The following SLC24A3 variants were observed in gnomAD, a reference collection of about 807,000 sequenced individuals.
SLC24A3 encodes solute carrier family 24 member 3.
In SLC24A3, 28 loss-of-function variants were observed where a neutral mutation model predicts 75.8. The observed-to-expected ratio is 0.37, with a 90% CI of 0.27 to 0.51. The LOEUF (loss-of-function observed/expected upper bound fraction) is 0.51, where lower values mean the gene tolerates loss of function less well. Ranked by LOEUF, SLC24A3 falls within the 20% of genes least tolerant of loss-of-function variation. SLC24A3 has a pLI of 0.94. For missense variants in SLC24A3, 663 were observed against 847.8 expected (o/e 0.78, Z 2.71); for synonymous variants, 372 against 334.1 (o/e 1.11, Z -1.24).
chr20:19,587,685 G>T (rs1237177452), intron 6 of SLC24A3, among the ~76,000 whole-genome samples: 1 of 152,198 alleles, frequency 6.6e-6, no homozygotes, highest in Non-Finnish European at 1.5e-5. Flanking sequence ...ACGGGTCTGG[G>T]TTTAAATCCT....
intron 2 of SLC24A3, among the ~76,000 whole-genome samples, chr20:19,368,867 C>G (rs1350971469): frequency 6.6e-6 from 1 of 152,152 alleles, no homozygotes; most frequent in Non-Finnish European, 1.5e-5. Context: ...CTGACCAAAG[C>G]TGGGACAATT....
At chr20:19,315,560 A>T (rs1984567513) in intron 2 of SLC24A3, among the ~76,000 whole-genome samples, 2 of 152,140 alleles carry the variant, frequency 1.3e-5, no homozygotes, top group Admixed American at 1.3e-4. Context: ...TGGGCTATGG[A>T]TTCTTTCTAC....
At chr20:19,462,596 C>T (rs1342830433) in intron 2 of SLC24A3, among the ~76,000 whole-genome samples, 2 of 152,202 alleles carry the variant, frequency 1.3e-5, no homozygotes, top group Non-Finnish European at 1.5e-5. Context: ...CTGGGAGAGG[C>T]GTCCCTTTGC....
intron 2 of SLC24A3, among the ~76,000 whole-genome samples, chr20:19,460,988 T>G (rs1987660651): frequency 6.6e-6 from 1 of 152,196 alleles, no homozygotes; most frequent in Non-Finnish European, 1.5e-5. Context: ...TTTGGTTGTT[T>G]TAAAGCTAAG....
chr20:19,510,260 A>G (rs571597606), intron 2 of SLC24A3, among the ~76,000 whole-genome samples: 3 of 152,360 alleles, frequency 2.0e-5, no homozygotes, highest in Non-Finnish European at 4.4e-5. Context: ...AGAACATGTT[A>G]CAACCCTAAG....
chr20:19,722,668 G>T lies in SLC24A3; in HGVS notation c.*1528G>T, dbSNP rs2033116200. 6.5e-6 allele frequency: 1 copy of T among 152,682 alleles called. No individual in the cohort carries two copies. Among genetic ancestry groups the T allele is most frequent in the Middle Eastern group, 3.4e-3 (1 of 294 alleles). 9.5% of individuals were successfully genotyped at this position (152,682 alleles called of 1,614,324 possible). A position where few individuals can be genotyped will look rare whatever the true frequency, so the allele number is the denominator to read the frequency against. On this transcript the variant is annotated 3_prime_UTR_variant, in exon 17 of 17. Coordinates refer to ENST00000328041, the MANE Select transcript of SLC24A3 (RefSeq NM_020689.4). ...TTCCCTGTCCCTTGTACACATTCTG[G>T]TATGAATTTGTAAAAATAACCTGCT...
intron 6 of SLC24A3, among the ~76,000 whole-genome samples, chr20:19,594,091 TC>T (rs1407907611): frequency 1.3e-5 from 2 of 152,120 alleles, no homozygotes; most frequent in Non-Finnish European, 2.9e-5. Flanking sequence ...GCCTTCGAAC[TC>T]CACCCTTGGG....
intron 2 of SLC24A3, among the ~76,000 whole-genome samples, chr20:19,317,495 A>G (rs1201778317): frequency 6.6e-6 from 1 of 152,210 alleles, no homozygotes; most frequent in African/African-American, 2.4e-5. Context: ...AAGGAAAAAG[A>G]TCACTTCAGG....
chr20:19,213,877 C>T (rs1981479425), intron 1 of SLC24A3, among the ~76,000 whole-genome samples: 2 of 152,122 alleles, frequency 1.3e-5, no homozygotes, highest in South Asian at 2.1e-4. Context: ...GGTTTTATAT[C>T]CCGGCCGTGG....
chr20:19,468,837 G>C (rs1303112935), intron 2 of SLC24A3, among the ~76,000 whole-genome samples: 3 of 152,160 alleles, frequency 2.0e-5, no homozygotes, highest in African/African-American at 7.2e-5. Flanking sequence ...GGGGCAAGGA[G>C]GTGAGTGTAT....
chr20:19,673,432 C>T (rs1165178314), intron 8 of SLC24A3, among the ~76,000 whole-genome samples, 169 bp from the exon 9 acceptor site: 1 of 152,180 alleles, frequency 6.6e-6, no homozygotes, highest in African/African-American at 2.4e-5. Context: ...GGTTGACAGC[C>T]TTATGCAGCA....
At chr20:19,217,378 C>T (rs763786837) in intron 1 of SLC24A3, among the ~76,000 whole-genome samples, 10 of 152,168 alleles carry the variant, frequency 6.6e-5, no homozygotes, top group Admixed American at 2.6e-4. Context: ...TGAATGTAGA[C>T]ATTTCCCAAG....
At chr20:19,346,095 A>ATGGTGTG (rs1985396057) in intron 2 of SLC24A3, among the ~76,000 whole-genome samples, 9 of 72,374 alleles carry the variant, frequency 1.2e-4, no homozygotes, top group African/African-American at 3.4e-4. Context: ...ATATATATAT[A>ATGGTGTG]TATATATATA....
At chr20:19,598,570 T>G (rs2031480728) in intron 6 of SLC24A3, among the ~76,000 whole-genome samples, 1 of 152,064 alleles carries the variant, frequency 6.6e-6, no homozygotes, top group Non-Finnish European at 1.5e-5. Context: ...TAAAGCACAC[T>G]GGCCTCAGTG....
At chr20:19,383,071 A>G (rs1242844330) in intron 2 of SLC24A3, among the ~76,000 whole-genome samples, 1 of 152,204 alleles carries the variant, frequency 6.6e-6, no homozygotes, top group Non-Finnish European at 1.5e-5. Context: ...TAAAGTCACC[A>G]AGCCTAATTG....
chr20:19,427,239 G>A (rs572627997), intron 2 of SLC24A3, among the ~76,000 whole-genome samples: 9 of 152,230 alleles, frequency 5.9e-5, no homozygotes, highest in African/African-American at 2.2e-4. Context: ...GCAGCAGTGA[G>A]ACACCGGCAT....
At chr20:19,401,714 G>T (rs1986554970) in intron 2 of SLC24A3, among the ~76,000 whole-genome samples, 1 of 152,204 alleles carries the variant, frequency 6.6e-6, no homozygotes, top group Non-Finnish European at 1.5e-5. Flanking sequence ...CACAAAGCAT[G>T]TTTTGCCTGT....
At chr20:19,467,406 G>T (rs1298929951) in intron 2 of SLC24A3, among the ~76,000 whole-genome samples, 1 of 152,206 alleles carries the variant, frequency 6.6e-6, no homozygotes, top group East Asian at 1.9e-4. Context: ...ATAAAGAATA[G>T]ATTTGGGGGA....
chr20:19,257,353 C>T (rs911495439), intron 1 of SLC24A3, among the ~76,000 whole-genome samples: 17 of 152,192 alleles, frequency 1.1e-4, no homozygotes, highest in Admixed American at 8.5e-4. Flanking sequence ...CGGTTGACTC[C>T]GCTGAGACTG....
Sources: allele counts gnomAD v4.1 joint callset (sites outside exome capture counted in the v4.1 genomes callset), GRCh38; gene constraint gnomAD v4.1.1; transcripts MANE v1.5; gene names NCBI Gene and HGNC (gene_info 2026-07-23, HGNC 2026-07-21).